Variants in ZNF33B observed in about 807,000 individuals in gnomAD.
The protein encoded by ZNF33B is zinc finger protein 11b (KOX 2).
Under a neutral mutation model 45.8 loss-of-function variants are expected in ZNF33B, and 29 were observed. The observed-to-expected ratio is 0.63, with a 90% CI of 0.47 to 0.86. The LOEUF (loss-of-function observed/expected upper bound fraction) is 0.86, where lower values mean the gene tolerates loss of function less well. Ranked by LOEUF, ZNF33B falls within the 40% of genes least tolerant of loss-of-function variation. ZNF33B has a pLI of 0.00. For missense variants in ZNF33B, 831 were observed against 909.9 expected, an observed-to-expected ratio of 0.91 and a Z score of 1.12; for synonymous variants, 305 against 307.8, an observed-to-expected ratio of 0.99 and a Z score of 0.10.
In ZNF33B at chr10:42,594,047, A is replaced by G; in HGVS notation, c.903T>C (p.Tyr301=). Residue 301 remains tyrosine, a synonymous_variant, in exon 5 of 5, where the codon TAT becomes TAC. Transcript: ENST00000359467. ...SKHDGVPVKH[Y]DCGESGNNFR... ...AATTATTCCCACTTTCACCACAATC[A>G]TAGTGTTTCACAGGTACCCCATCAT... The G allele has an allele frequency of 6.2e-7, 1 of 1,614,102 alleles. No homozygotes were observed. Among genetic ancestry groups the G allele is most frequent in the Non-Finnish European group, 8.5e-7 (1 of 1,179,974 alleles).
chr10:42,586,845 T>TATA (rs1022578896), downstream of ZNF33B, among the ~76,000 whole-genome samples: 5 of 152,204 alleles, frequency 3.3e-5, no homozygotes, highest in Admixed American at 2.0e-4. Context: ...AACCATGTAC[T>TATA]ATAACAAACC....
At chr10:42,606,220 T>G (rs1589040706) in intron 4 of ZNF33B, among the ~76,000 whole-genome samples, 1 of 149,836 alleles carries the variant, frequency 6.7e-6, no homozygotes, top group African/African-American at 2.5e-5. Context: ...ATCCCAGCAC[T>G]TCGGGAGGCC....
chr10:42,607,406 A>C (rs147035936), intron 4 of ZNF33B, among the ~76,000 whole-genome samples: 2 of 152,132 alleles, frequency 1.3e-5, no homozygotes, highest in African/African-American at 2.4e-5. Context: ...TGGGTGAAGG[A>C]TAAGAAATTA....
Position 42,619,497 on chromosome 10 carries a change from G to A in ZNF33B, c.250+12432C>T, listed in dbSNP as rs545688223. ...TGCTATACAGGGAACACTAAAAGGT[G>A]TCTTTCAAGATGAAATAAAAAGAAA... On this transcript the variant is annotated intron_variant, in intron 4 of 4. Coordinates refer to ENST00000359467, the MANE Select transcript of ZNF33B (RefSeq NM_006955.3). Among the ~76,000 whole-genome samples the A allele has an allele frequency of 9.2e-5, 14 of 152,148 alleles. 1 individual carries two copies. Among genetic ancestry groups the A allele is most frequent in the Non-Finnish European group, 1.9e-4 (13 of 68,030 alleles).
intron 4 of ZNF33B, chr10:42,614,304 G>A (rs1351347470): frequency 6.5e-6 from 1 of 154,666 alleles, no homozygotes; most frequent in Non-Finnish European, 1.5e-5. Context: ...CCTCCAAACT[G>A]TCAAGGTCAT....
At chr10:42,630,736 T>C (rs967429253) in intron 4 of ZNF33B, among the ~76,000 whole-genome samples, 1 of 152,180 alleles carries the variant, frequency 6.6e-6, no homozygotes, top group Non-Finnish European at 1.5e-5. Flanking sequence ...TGCCCAATAT[T>C]TTCTCTACAG....
intron 1 of ZNF33B, among the ~76,000 whole-genome samples, chr10:42,575,978 G>A (rs1167041629): frequency 2.6e-5 from 4 of 151,428 alleles, no homozygotes; most frequent in Admixed American, 1.3e-4. Context: ...TGCAACTTCC[G>A]CCTCCGGGTT....
At chr10:42,576,423 C>T (rs759740156) in intron 1 of ZNF33B, among the ~76,000 whole-genome samples, 12 of 152,158 alleles carry the variant, frequency 7.9e-5, no homozygotes, top group Non-Finnish European at 1.6e-4. Context: ...GAGATGCCTC[C>T]GTGTGCAGTG....
In ZNF33B at chr10:42,591,737, C is replaced by G. The variant is rs1378971223; in HGVS notation, c.*876G>C. 8.7e-6 allele frequency: 2 copies of G among 229,948 alleles called. No homozygotes were observed. The highest frequency in any genetic ancestry group is 1.4e-5 in the Non-Finnish European group (2 of 139,430). The allele number at this position is 229,948 out of a possible 1,614,324, so 14.2% of individuals were successfully genotyped here. A position where few individuals can be genotyped will look rare whatever the true frequency, so the allele number is the denominator to read the frequency against. ...CAATTTATCTATGCTTTACAAAAAG[C>G]TTCATAGTCAAGTGGATGCCAGGGA... On this transcript the variant is annotated 3_prime_UTR_variant, in exon 5 of 5. Coordinates refer to ENST00000359467, the MANE Select transcript of ZNF33B (RefSeq NM_006955.3).
chr10:42,631,967 C>T lies in ZNF33B; in HGVS notation c.212G>A (p.Trp71Ter). The change falls in exon 4 of 5, where the codon TGG becomes TAG. Residue 71 changes from tryptophan to a stop codon, truncating the protein, a stop_gained. Transcript: ENST00000359467. LOFTEE classifies it low-confidence loss of function (END_TRUNC). ...GCTTGGGAATTCTTCCTCCAGTCTC[C>T]ATGGTTCTTCTCCTTGTTCCAGCCT... ...IFRLEQGEEP[W>*]RLEEEFPSQS... 6.2e-7 allele frequency: 1 copy of T among 1,614,154 alleles called. No individual in the cohort carries two copies. The highest frequency in any genetic ancestry group is 8.5e-7 in the Non-Finnish European group (1 of 1,180,030).
At position 42,638,488 on chromosome 10, in the gene ZNF33B, G is replaced by A. The variant is rs41301643; in HGVS notation, c.-59C>T. 2 of 462,898 alleles carry A rather than the reference G, an allele frequency of 4.3e-6. No homozygotes were observed. Among genetic ancestry groups the A allele is most frequent in the Non-Finnish European group, 8.6e-6 (2 of 231,822 alleles). 28.7% of individuals were successfully genotyped at this position (462,898 alleles called of 1,614,324 possible). ...CGGAGGCTTACCTCACTCTCTCTTCGGGTTGCATTCGCCATAAGAGAGCCG... is the reference window on the plus strand; with the variant it reads ...CGGAGGCTTACCTCACTCTCTCTTCAGGTTGCATTCGCCATAAGAGAGCCG... On this transcript the variant is annotated 5_prime_UTR_variant, in exon 1 of 5. An upstream open reading frame in the 5' UTR gains an earlier in-frame stop. Transcript: ENST00000359467.
intron 4 of ZNF33B, among the ~76,000 whole-genome samples, chr10:42,616,991 G>T (rs529571590): frequency 1.9e-3 from 290 of 150,654 alleles, no homozygotes; most frequent in African/African-American, 6.8e-3. Context: ...AACGCACCCA[G>T]CCTGTCTATT....
intron 4 of ZNF33B, among the ~76,000 whole-genome samples, chr10:42,601,054 T>C (rs1400229603): frequency 6.6e-6 from 1 of 152,208 alleles, no homozygotes; most frequent in Non-Finnish European, 1.5e-5. Context: ...CTTATAGCTA[T>C]TTTTACCAAG....
intron 1 of ZNF33B, chr10:42,578,472 G>A (rs112213116): frequency 2.0e-5 from 3 of 152,780 alleles, no homozygotes; most frequent in Admixed American, 6.5e-5. Context: ...CTTCCTCCAG[G>A]ATGTAATGAG....
chr10:42,609,646 A>G (rs1794062919), intron 4 of ZNF33B, among the ~76,000 whole-genome samples: 1 of 152,232 alleles, frequency 6.6e-6, no homozygotes, highest in African/African-American at 2.4e-5. Flanking sequence ...TGTCATGATT[A>G]CAGACCTATA....
intron 4 of ZNF33B, among the ~76,000 whole-genome samples, chr10:42,626,179 A>C (rs1422859556): frequency 6.6e-6 from 1 of 152,154 alleles, no homozygotes; most frequent in Non-Finnish European, 1.5e-5. Flanking sequence ...AATTACATTG[A>C]TTGATTTCTG....
At chr10:42,618,726 T>A (rs1838439632) in intron 4 of ZNF33B, among the ~76,000 whole-genome samples, 1 of 152,212 alleles carries the variant, frequency 6.6e-6, no homozygotes, top group Non-Finnish European at 1.5e-5. Context: ...TATATTAGTT[T>A]TCTTCAACAA....
Position 42,593,031 on chromosome 10 carries a change from T to C in ZNF33B, c.1919A>G (p.Asn640Ser), listed in dbSNP as rs149144057. The part of the protein sequence containing the change: ...IHIGEKPYEC[N>S]ECGKAFCHKS... The stretch of plus-strand genomic sequence containing the variant: ...ATGGCAGAAAGCTTTTCCACACTCA[T>C]TACATTCATAGGGTTTCTCCCCTAT... Residue 640 changes from asparagine (N) to serine (S), a missense_variant, in exon 5 of 5, where the codon AAT becomes AGT. Asn to Ser is a conservative substitution (Grantham distance 46). Transcript: ENST00000359467. 3.3e-5 allele frequency: 54 copies of C among 1,613,996 alleles called. No homozygotes were observed. The highest frequency in any genetic ancestry group is 4.3e-5 in the Non-Finnish European group (51 of 1,179,988).
intron 4 of ZNF33B, among the ~76,000 whole-genome samples, chr10:42,601,374 G>C (rs935657610): frequency 2.7e-5 from 4 of 148,314 alleles, no homozygotes; most frequent in African/African-American, 1.0e-4. Flanking sequence ...ACTGTTTTCT[G>C]TTCTTTTCCC....
Sources: gnomAD v4.1 joint callset for allele counts (sites outside exome capture counted in the v4.1 genomes callset) on GRCh38, gnomAD v4.1.1 for gene constraint, MANE v1.5 for transcripts, NCBI Gene and HGNC (gene_info 2026-07-23, HGNC 2026-07-21) for gene names.